The following FAM120B variants were observed in gnomAD, a reference collection of about 807,000 sequenced individuals.
The protein encoded by FAM120B is constitutive coactivator of peroxisome proliferator-activated receptor gamma.
A neutral mutation model predicts 96.3 loss-of-function variants in FAM120B; 83 were observed. The observed-to-expected ratio is 0.86, with a 90% CI of 0.72 to 1.03. The LOEUF is 1.03. FAM120B is among the 50% of genes least tolerant of loss of function. The pLI is 0.00. For synonymous variants in FAM120B, 407 were observed against 402.7 expected (o/e 1.01, Z -0.13); for missense variants, 1,027 against 1,121.2 (o/e 0.92, Z 1.20).
chr6:170,381,662 A>T (rs1468641683), intron 6 of FAM120B, among the ~76,000 whole-genome samples: 1 of 152,186 alleles, frequency 6.6e-6, no homozygotes, highest in Non-Finnish European at 1.5e-5. Context: ...GCAATTAATT[A>T]TACACTATGA....
At chr6:170,378,100 G>C (rs185249859) in intron 6 of FAM120B, among the ~76,000 whole-genome samples, 4 of 152,202 alleles carry the variant, frequency 2.6e-5, no homozygotes, top group Admixed American at 2.0e-4. Flanking sequence ...ACCTGATAGA[G>C]TTGCCATAAA....
intron 8 of FAM120B, among the ~76,000 whole-genome samples, chr6:170,393,522 A>G (rs908574480): frequency 6.6e-6 from 1 of 152,164 alleles, no homozygotes; most frequent in Non-Finnish European, 1.5e-5. Flanking sequence ...GGCAAACTAC[A>G]TTTTCCTTTT....
intron 1 of FAM120B, among the ~76,000 whole-genome samples, chr6:170,297,420 T>C (rs1784040475): frequency 6.6e-6 from 1 of 152,254 alleles, no homozygotes; most frequent in Non-Finnish European, 1.5e-5. Flanking sequence ...CATTCAGACG[T>C]GGCCACAATG....
intron 9 of FAM120B, among the ~76,000 whole-genome samples, chr6:170,395,858 G>C (rs7762492): frequency 0.62 from 94,495 of 152,076 alleles, 30,159 homozygotes; most frequent in Admixed American, 0.66. Context: ...CTTGCTAGAA[G>C]GTACTTGTAA....
At chr6:170,321,347 T>A (rs916684400) in intron 2 of FAM120B, among the ~76,000 whole-genome samples, 4 of 152,154 alleles carry the variant, frequency 2.6e-5, no homozygotes, top group Admixed American at 6.5e-5. Context: ...AACCACAGCC[T>A]TATATCTGTG....
chr6:170,300,042 G>T (rs1348423977), intron 1 of FAM120B, among the ~76,000 whole-genome samples: 3 of 151,334 alleles, frequency 2.0e-5, no homozygotes, highest in African/African-American at 7.4e-5. Flanking sequence ...ATGTTTTCAT[G>T]GTTTTGGCTT....
chr6:170,402,515 G>A (rs1583323209), intron 9 of FAM120B, among the ~76,000 whole-genome samples: 1 of 152,226 alleles, frequency 6.6e-6, no homozygotes, highest in Non-Finnish European at 1.5e-5. Context: ...GTGCGGGCAC[G>A]CTGGCCCTGC....
chr6:170,382,469 A>G (rs1048942310), intron 6 of FAM120B, among the ~76,000 whole-genome samples: 9 of 152,182 alleles, frequency 5.9e-5, no homozygotes, highest in Non-Finnish European at 1.0e-4. Flanking sequence ...TACAAGACCT[A>G]TATACCAAAA....
intron 7 of FAM120B, among the ~76,000 whole-genome samples, chr6:170,388,852 A>G (rs1361819820): frequency 1.3e-5 from 2 of 152,226 alleles, no homozygotes; most frequent in African/African-American, 2.4e-5. Flanking sequence ...ACGTTACTAC[A>G]AAGAGCCTAC....
intron 7 of FAM120B, among the ~76,000 whole-genome samples, chr6:170,389,917 A>G (rs899939222): frequency 6.6e-6 from 1 of 152,194 alleles, no homozygotes; most frequent in African/African-American, 2.4e-5. Context: ...CCCCACAGAT[A>G]TCAGACTAAT....
chr6:170,312,882 C>T (rs1258063028), intron 1 of FAM120B, among the ~76,000 whole-genome samples: 1 of 152,140 alleles, frequency 6.6e-6, no homozygotes, highest in Non-Finnish European at 1.5e-5. Flanking sequence ...GGGAAGACAT[C>T]AGGGATAGGG....
At chr6:170,341,341 T>TC (rs908487025) in intron 4 of FAM120B, among the ~76,000 whole-genome samples, 1 of 151,940 alleles carries the variant, frequency 6.6e-6, no homozygotes, top group African/African-American at 2.4e-5. Context: ...CAGACGCCCC[T>TC]CCCCCCACCA....
At chr6:170,342,315 G>C (rs1411775994) in intron 4 of FAM120B, among the ~76,000 whole-genome samples, 1 of 152,084 alleles carries the variant, frequency 6.6e-6, no homozygotes, top group East Asian at 1.9e-4. Flanking sequence ...TTAATTCTAG[G>C]AGTTTCACTT....
chr6:170,351,813 T>G lies in FAM120B; in HGVS notation c.2190+3490T>G, dbSNP rs529454634. Among the ~76,000 whole-genome samples the G allele has an allele frequency of 3.3e-5, 5 of 152,282 alleles. No individual in the cohort carries two copies. The South Asian group carries it at 8.3e-4, about 25-fold the overall frequency. On this transcript the variant is annotated intron_variant, in intron 5 of 10. Coordinates refer to ENST00000476287, the MANE Select transcript of FAM120B (RefSeq NM_032448.3). ...AGCATTAAATATGGAAAGCCAAAACTATTACCAGCCACTACAAAAACACAC... is the reference window on the plus strand; with the variant it reads ...AGCATTAAATATGGAAAGCCAAAACGATTACCAGCCACTACAAAAACACAC...
upstream of FAM120B, among the ~76,000 whole-genome samples, chr6:170,305,823 C>CT (rs1784261455): frequency 6.6e-6 from 1 of 152,208 alleles, no homozygotes. Flanking sequence ...CGGAGCCCAC[C>CT]TGATCTCCTA....
chr6:170,317,985 G>C lies in FAM120B; in HGVS notation c.595G>C (p.Glu199Gln). ...PYFSISELCL[E>Q]SLDTVMLCRE... The stretch of plus-strand genomic sequence containing the variant: ...CTTTTCAATTAGCGAGCTCTGCCTA[G>C]AGAGCCTGGACACCGTCATGCTCTG... Residue 199 changes from glutamate to glutamine, a missense_variant, in exon 2 of 11, where the codon GAG becomes CAG. By Grantham distance (29) the Glu-to-Gln change is conservative. This residue lies in a region of FAM120B where 880 missense variants were observed against 980.9 expected (regional missense o/e 0.90). Coordinates refer to ENST00000476287, the MANE Select transcript of FAM120B (RefSeq NM_032448.3). 6.2e-7 allele frequency: 1 copy of C among 1,613,818 alleles called. No homozygotes were observed. The highest frequency in any genetic ancestry group is 8.5e-7 in the Non-Finnish European group (1 of 1,179,800).
chr6:170,400,741 C>A (rs550579516), intron 9 of FAM120B, among the ~76,000 whole-genome samples: 4 of 152,184 alleles, frequency 2.6e-5, no homozygotes, highest in African/African-American at 9.7e-5. Flanking sequence ...AGAGTTTTTT[C>A]TGTTAAAAAT....
chr6:170,381,761 T>C (rs560130958), intron 6 of FAM120B, among the ~76,000 whole-genome samples: 2 of 151,132 alleles, frequency 1.3e-5, no homozygotes, highest in South Asian at 4.2e-4. Flanking sequence ...ATCATATGAA[T>C]CATTCAGAAA....
intron 9 of FAM120B, among the ~76,000 whole-genome samples, chr6:170,401,149 G>A (rs1294796126): frequency 6.6e-6 from 1 of 152,212 alleles, no homozygotes; most frequent in Non-Finnish European, 1.5e-5. Flanking sequence ...CCAGGGGAAA[G>A]TCTCACTCTT....
Sources: gnomAD v4.1 joint callset for allele counts (sites outside exome capture counted in the v4.1 genomes callset) on GRCh38, gnomAD v4.1.1 for gene constraint, gnomAD v4.1.1 regional missense constraint, MANE v1.5 for transcripts, NCBI Gene and HGNC (gene_info 2026-07-23, HGNC 2026-07-21) for gene names.